Variants in SLC44A5 observed in about 807,000 individuals in gnomAD.
SLC44A5 encodes choline transporter-like protein 5.
In SLC44A5, 57 loss-of-function variants were observed where a neutral mutation model predicts 101.8. The ratio of observed to expected loss-of-function variants is 0.56; its 90% CI spans 0.45 to 0.70. SLC44A5 has a LOEUF of 0.70. Among genes scored for constraint, SLC44A5 ranks in the 30% least tolerant of loss-of-function variants. SLC44A5 has a pLI of 0.00. For synonymous variants in SLC44A5, 281 were observed against 290.9 expected, an observed-to-expected ratio of 0.97 and a Z score of 0.35; for missense variants, 737 against 853.1, an observed-to-expected ratio of 0.86 and a Z score of 1.70.
At chr1:75,495,332 G>C (rs944291509) in intron 2 of SLC44A5, among the ~76,000 whole-genome samples, 1 of 151,992 alleles carries the variant, frequency 6.6e-6, no homozygotes, top group African/African-American at 2.4e-5. Flanking sequence ...GCGGGCACCT[G>C]TAGTCCTAGC....
At chr1:75,244,135 A>G (rs1293988629) in intron 7 of SLC44A5, among the ~76,000 whole-genome samples, 3 of 152,180 alleles carry the variant, frequency 2.0e-5, no homozygotes, top group South Asian at 4.1e-4. Flanking sequence ...TCTTTTCTTT[A>G]TAAATTACCC....
intron 2 of SLC44A5, among the ~76,000 whole-genome samples, chr1:75,481,630 T>A (rs903137935): frequency 6.6e-6 from 1 of 151,816 alleles, no homozygotes; most frequent in African/African-American, 2.4e-5. Context: ...AAGACATTTA[T>A]GCAGCCAACA....
chr1:75,501,800 C>T (rs2101841211), intron 2 of SLC44A5, among the ~76,000 whole-genome samples: 1 of 152,288 alleles, frequency 6.6e-6, no homozygotes, highest in South Asian at 2.1e-4. Context: ...GAATCAAAAG[C>T]TTCAGGCATA....
At chr1:75,507,080 T>G (rs1254724326) in intron 2 of SLC44A5, among the ~76,000 whole-genome samples, 3 of 151,992 alleles carry the variant, frequency 2.0e-5, no homozygotes, top group Non-Finnish European at 4.4e-5. Context: ...TTTTTGCATT[T>G]TTTGTAGAGA....
At chr1:75,483,621 A>G (rs1667992727) in intron 2 of SLC44A5, among the ~76,000 whole-genome samples, 1 of 145,990 alleles carries the variant, frequency 6.8e-6, no homozygotes, top group Non-Finnish European at 1.5e-5. Flanking sequence ...TTTGTTTACA[A>G]TTTGTTAATT....
chr1:75,719,311 T>C, the SLC44A5 span, among the ~76,000 whole-genome samples: 6 of 152,226 alleles, frequency 3.9e-5, no homozygotes, highest in African/African-American at 1.4e-4. Flanking sequence ...AAAATTCTGA[T>C]AGTTCTAGCA....
chr1:75,351,977 ATC>A (rs1658709987), intron 3 of SLC44A5, among the ~76,000 whole-genome samples: 1 of 151,958 alleles, frequency 6.6e-6, no homozygotes, highest in Non-Finnish European at 1.5e-5. Context: ...TATGTAAAAA[ATC>A]CCCCTTTTTT....
chr1:75,317,869 A>G (rs1655815671), intron 4 of SLC44A5, among the ~76,000 whole-genome samples: 1 of 151,988 alleles, frequency 6.6e-6, no homozygotes, highest in South Asian at 2.1e-4. Context: ...AAACCTAAGT[A>G]CCTCCAAAGG....
chr1:75,285,819 T>A (rs1011339125), intron 5 of SLC44A5, among the ~76,000 whole-genome samples: 1 of 152,132 alleles, frequency 6.6e-6, no homozygotes, highest in African/African-American at 2.4e-5. Context: ...TTTATTCTAC[T>A]GTGGTTTGAG....
chr1:75,493,445 A>G (rs1273353057), intron 2 of SLC44A5, among the ~76,000 whole-genome samples: 2 of 152,226 alleles, frequency 1.3e-5, no homozygotes, highest in African/African-American at 2.4e-5. Context: ...TACAATATGC[A>G]AGAACAAACA....
the SLC44A5 span, among the ~76,000 whole-genome samples, chr1:75,651,185 G>A: frequency 6.6e-6 from 1 of 152,118 alleles, no homozygotes; most frequent in Admixed American, 6.5e-5. Flanking sequence ...CCTGACTTGG[G>A]TATTCCTAAC....
At chr1:75,708,230 G>C in the SLC44A5 span, among the ~76,000 whole-genome samples, 1 of 90,378 alleles carries the variant, frequency 1.1e-5, no homozygotes, top group African/African-American at 4.1e-5. Flanking sequence ...TGGCAACATG[G>C]GGAAACCCCA....
chr1:75,324,154 A>G (rs1656395929), intron 4 of SLC44A5, among the ~76,000 whole-genome samples: 2 of 152,228 alleles, frequency 1.3e-5, no homozygotes, highest in South Asian at 4.1e-4. Flanking sequence ...TTAAATAGCA[A>G]ACATCTGTTT....
At chr1:75,224,997 A>G (rs1451808207) in intron 13 of SLC44A5, among the ~76,000 whole-genome samples, 1 of 152,220 alleles carries the variant, frequency 6.6e-6, no homozygotes, top group Non-Finnish European at 1.5e-5. Flanking sequence ...AATTTATTGT[A>G]GCCTACATGT....
At chr1:75,662,315 C>T in the SLC44A5 span, among the ~76,000 whole-genome samples, 1 of 151,886 alleles carries the variant, frequency 6.6e-6, no homozygotes, top group Non-Finnish European at 1.5e-5. Flanking sequence ...CTCACAGAGG[C>T]AGTGAATAGA....
At chr1:75,540,120 C>T (rs1258480540) in intron 2 of SLC44A5, among the ~76,000 whole-genome samples, 1 of 152,076 alleles carries the variant, frequency 6.6e-6, no homozygotes, top group Non-Finnish European at 1.5e-5. Flanking sequence ...TCACCTAACC[C>T]TTTGTAACAC....
chr1:75,524,816 A>G (rs893016889), intron 2 of SLC44A5, among the ~76,000 whole-genome samples: 1 of 152,156 alleles, frequency 6.6e-6, no homozygotes, highest in African/African-American at 2.4e-5. Context: ...ATTTTATAAT[A>G]TATATCCTTA....
At chr1:75,456,937 A>G (rs1358430306) in intron 2 of SLC44A5, among the ~76,000 whole-genome samples, 3 of 152,204 alleles carry the variant, frequency 2.0e-5, no homozygotes, top group East Asian at 3.9e-4. Flanking sequence ...GACATCCCCA[A>G]TAGGTCCACA....
intron 1 of SLC44A5, among the ~76,000 whole-genome samples, chr1:75,551,648 C>A (rs1671944763): frequency 6.6e-6 from 1 of 151,868 alleles, no homozygotes. Context: ...ACATAATAAC[C>A]CAGTTTCTGA....
Sources: gnomAD v4.1 joint callset for allele counts (sites outside exome capture counted in the v4.1 genomes callset) on GRCh38, gnomAD v4.1.1 for gene constraint, MANE v1.5 for transcripts, NCBI Gene and HGNC (gene_info 2026-07-23, HGNC 2026-07-21) for gene names.